Variants in EYS observed in about 807,000 individuals in gnomAD.
EYS encodes the protein EGF-like photoreceptor maintenance factor.
A neutral mutation model predicts 282.1 loss-of-function variants in EYS; 250 were observed. The ratio of observed to expected loss-of-function variants is 0.89; its 90% CI spans 0.80 to 0.98. The LOEUF is 0.98. Among genes scored for constraint, EYS ranks in the 50% least tolerant of loss-of-function variants. EYS has a pLI of 0.00. For missense variants in EYS, 4,016 were observed against 3,709.0 expected (o/e 1.08, Z -2.15); for synonymous variants, 1,355 against 1,282.9 (o/e 1.06, Z -1.20).
intron 2 of EYS, among the ~76,000 whole-genome samples, chr6:65,627,897 C>G (rs1433283476): frequency 1.3e-5 from 2 of 152,244 alleles, no homozygotes; most frequent in African/African-American, 4.8e-5. Flanking sequence ...GCGCCCAGTC[C>G]CATCGACCAC....
intron 18 of EYS, among the ~76,000 whole-genome samples, chr6:64,894,141 T>C (rs1222339589): frequency 2.0e-5 from 3 of 152,152 alleles, no homozygotes; most frequent in African/African-American, 4.8e-5. Context: ...CAGTAAGTAA[T>C]GTATAGATGC....
chr6:64,095,704 A>G (rs1220712741), intron 31 of EYS, among the ~76,000 whole-genome samples: 2 of 152,086 alleles, frequency 1.3e-5, no homozygotes, highest in Non-Finnish European at 2.9e-5. Context: ...TTGACTCTTT[A>G]TCCAATTTGC....
intron 8 of EYS, among the ~76,000 whole-genome samples, chr6:65,382,190 C>T (rs1765636551): frequency 6.9e-6 from 1 of 144,008 alleles, no homozygotes; most frequent in Non-Finnish European, 1.5e-5. Context: ...AATACATGGT[C>T]ATGAAGAACC....
At chr6:65,428,572 G>A (rs962952887) in intron 5 of EYS, among the ~76,000 whole-genome samples, 7 of 151,700 alleles carry the variant, frequency 4.6e-5, no homozygotes, top group Non-Finnish European at 1.0e-4. Context: ...CCAAATCTAT[G>A]CTGTTTTTTG....
intron 29 of EYS, among the ~76,000 whole-genome samples, chr6:64,348,409 G>A (rs1771490902): frequency 3.2e-5 from 1 of 31,684 alleles, no homozygotes; most frequent in African/African-American, 1.3e-4. Flanking sequence ...TGCAAGCTGA[G>A]CTCAGTTCTT....
chr6:64,977,837 A>G (rs1205960007), intron 14 of EYS, among the ~76,000 whole-genome samples: 1 of 151,990 alleles, frequency 6.6e-6, no homozygotes, highest in East Asian at 1.9e-4. Context: ...AACCCAATCT[A>G]GAGCAAGAAC....
At chr6:63,919,010 G>T (rs1364985005) in intron 35 of EYS, among the ~76,000 whole-genome samples, 1 of 152,110 alleles carries the variant, frequency 6.6e-6, no homozygotes, top group African/African-American at 2.4e-5. Context: ...GGGTACCCAG[G>T]GCTATAATAC....
intron 26 of EYS, among the ~76,000 whole-genome samples, chr6:64,478,998 A>C (rs1018580887): frequency 6.6e-6 from 1 of 151,932 alleles, no homozygotes; most frequent in African/African-American, 2.4e-5. Context: ...TGTCAAGATA[A>C]GGTATTCCCA....
chr6:63,726,116 G>A (rs1407394094), intron 42 of EYS, among the ~76,000 whole-genome samples: 1 of 152,108 alleles, frequency 6.6e-6, no homozygotes. Context: ...CTGTTTGGAT[G>A]ACAGAACAAC....
At chr6:65,232,855 T>C (rs1766819136) in intron 12 of EYS, among the ~76,000 whole-genome samples, 1 of 152,124 alleles carries the variant, frequency 6.6e-6, no homozygotes, top group Non-Finnish European at 1.5e-5. Flanking sequence ...CTAATCAACT[T>C]ATAAACTGCC....
At chr6:63,820,380 CAAAT>C (rs1373146781) in intron 36 of EYS, among the ~76,000 whole-genome samples, 3 of 152,164 alleles carry the variant, frequency 2.0e-5, no homozygotes, top group Non-Finnish European at 2.9e-5. Context: ...TGTCACCTCA[CAAAT>C]AGTTTCTTCA....
At chr6:64,314,613 T>G (rs940377081) in intron 29 of EYS, among the ~76,000 whole-genome samples, 4 of 151,986 alleles carry the variant, frequency 2.6e-5, no homozygotes, top group Non-Finnish European at 5.9e-5. Context: ...AAATTACAAG[T>G]CAGGATTAAG....
chr6:63,965,772 G>T (rs1766276935), intron 35 of EYS, among the ~76,000 whole-genome samples: 1 of 152,058 alleles, frequency 6.6e-6, no homozygotes, highest in South Asian at 2.1e-4. Flanking sequence ...AAGATCTGGG[G>T]GAACGGCTCA....
intron 1 of EYS, among the ~76,000 whole-genome samples, chr6:65,681,043 G>A (rs538786688): frequency 4.7e-5 from 7 of 150,530 alleles, no homozygotes; most frequent in African/African-American, 1.7e-4. Flanking sequence ...CATCATCTAT[G>A]GGGGCCAACA....
rs144870494 is a variant in EYS at position 64,067,217 on chromosome 6, A to G, written c.6572-726T>C. Reference sequence around the variant, plus strand: ...GACATCTGTCCCTGGAAGCCCATGGATCTCTCTTTTTAACTTTCCTAATTG... The same window carrying G: ...GACATCTGTCCCTGGAAGCCCATGGGTCTCTCTTTTTAACTTTCCTAATTG... On this transcript the variant is annotated intron_variant, in intron 32 of 42. Coordinates refer to ENST00000503581, the MANE Select transcript of EYS (RefSeq NM_001142800.2). Among the ~76,000 whole-genome samples, 44 of 152,182 alleles carry G rather than the reference A, an allele frequency of 2.9e-4. No individual in the cohort carries two copies. The East Asian group carries it at 6.6e-3, about 23-fold the overall frequency.
intron 9 of EYS, among the ~76,000 whole-genome samples, chr6:65,350,666 T>C (rs1770564973): frequency 1.3e-5 from 2 of 151,690 alleles, no homozygotes; most frequent in Non-Finnish European, 3.0e-5. Context: ...CAACTCTTTA[T>C]CCACTCTGTC....
chr6:65,485,964 G>A (rs1339003644), intron 5 of EYS, among the ~76,000 whole-genome samples: 1 of 152,184 alleles, frequency 6.6e-6, no homozygotes, highest in Non-Finnish European at 1.5e-5. Context: ...AATATTGGTA[G>A]TGCCATTGGG....
At chr6:65,638,612 G>A (rs561542735) in intron 2 of EYS, among the ~76,000 whole-genome samples, 11 of 152,326 alleles carry the variant, frequency 7.2e-5, no homozygotes, top group African/African-American at 2.6e-4. Context: ...TGGTACATCT[G>A]ATCCAGCCAC....
At chr6:64,429,737 A>G (rs977429555) in intron 28 of EYS, among the ~76,000 whole-genome samples, 7 of 152,152 alleles carry the variant, frequency 4.6e-5, no homozygotes, top group Non-Finnish European at 1.5e-5. Context: ...TAAATGATGA[A>G]ATTTCACTCC....
Sources: allele counts gnomAD v4.1 joint callset (sites outside exome capture counted in the v4.1 genomes callset), GRCh38; gene constraint gnomAD v4.1.1; transcripts MANE v1.5; gene names NCBI Gene and HGNC (gene_info 2026-07-23, HGNC 2026-07-21).